Variants in PTPRN2 observed in about 807,000 individuals in gnomAD.
PTPRN2 encodes protein tyrosine phosphatase receptor type N2.
In PTPRN2, 74 loss-of-function variants were observed where a neutral mutation model predicts 118.8. The ratio of observed to expected loss-of-function variants is 0.62; its 90% CI spans 0.52 to 0.76. PTPRN2 has a LOEUF of 0.76. PTPRN2 is among the 30% of genes least tolerant of loss of function. The probability of loss-of-function intolerance (pLI) is 0.00; values close to 1 mark genes in which losing one functional copy is unlikely to be tolerated. For missense variants in PTPRN2, 1,481 were observed against 1,394.4 expected (o/e 1.06, Z -0.99); for synonymous variants, 641 against 608.0 (o/e 1.05, Z -0.80).
rs371595029 is a variant in PTPRN2, at chr7:158,364,256, C to T, written c.164-47324G>A. Among the ~76,000 whole-genome samples, 5 of 148,380 alleles carry T rather than the reference C, an allele frequency of 3.4e-5. No homozygotes were observed. The East Asian group carries it at 8.1e-4, about 24-fold the overall frequency. Reference sequence around the variant, plus strand: ...GCCATGCTTCCCCCAGCAAGGTCTGCAGAGCCCCCATCCTCACTTCACCTG... The same window carrying T: ...GCCATGCTTCCCCCAGCAAGGTCTGTAGAGCCCCCATCCTCACTTCACCTG... On this transcript the variant is annotated intron_variant, in intron 2 of 22. Coordinates refer to ENST00000389418, the MANE Select transcript of PTPRN2 (RefSeq NM_002847.5).
chr7:158,376,099 G>C (rs1810477322), intron 2 of PTPRN2, among the ~76,000 whole-genome samples: 1 of 152,158 alleles, frequency 6.6e-6, no homozygotes, highest in African/African-American at 2.4e-5. Flanking sequence ...GGGAGTCACA[G>C]ACACCCCACC....
chr7:157,631,102 A>G (rs1284257102), intron 14 of PTPRN2, among the ~76,000 whole-genome samples: 1 of 152,196 alleles, frequency 6.6e-6, no homozygotes, highest in African/African-American at 2.4e-5. Context: ...GCAAGCCCAG[A>G]GACCCTTGAA....
intron 11 of PTPRN2, among the ~76,000 whole-genome samples, chr7:157,928,051 A>G (rs1413525062): frequency 6.6e-6 from 1 of 152,190 alleles, no homozygotes; most frequent in Non-Finnish European, 1.5e-5. Flanking sequence ...TACTGGGAAC[A>G]TGACAGGTGG....
At chr7:158,474,389 T>C (rs1031292452) in intron 2 of PTPRN2, among the ~76,000 whole-genome samples, 2 of 152,248 alleles carry the variant, frequency 1.3e-5, no homozygotes, top group African/African-American at 2.4e-5. Context: ...TCTGGAAATA[T>C]GAAAATGAGT....
intron 1 of PTPRN2, among the ~76,000 whole-genome samples, chr7:158,575,318 A>G (rs1310617247): frequency 6.6e-6 from 1 of 152,236 alleles, no homozygotes; most frequent in Non-Finnish European, 1.5e-5. Context: ...CAAATGTTAT[A>G]TATTATTTAA....
In PTPRN2 at chr7:158,310,788, G is replaced by A. The variant is rs1352582779; in HGVS notation, c.277+6031C>T. On this transcript the variant is annotated intron_variant, in intron 3 of 22. Transcript: ENST00000389418. ...GCAAGTCCCACGGAGGGCGAGCCCTGAGCCGGACAGAGCGCAAGTCCCACG... is the reference window on the plus strand; with the variant it reads ...GCAAGTCCCACGGAGGGCGAGCCCTAAGCCGGACAGAGCGCAAGTCCCACG... Among the ~76,000 whole-genome samples the A allele has an allele frequency of 3.5e-4, 51 of 147,040 alleles. 1 individual carries two copies. The highest frequency in any genetic ancestry group is 1.3e-3 in the African/African-American group (50 of 38,894).
intron 5 of PTPRN2, among the ~76,000 whole-genome samples, chr7:158,171,030 T>TAC (rs1823509277): frequency 1.4e-5 from 2 of 144,590 alleles, no homozygotes; most frequent in Non-Finnish European, 3.0e-5. Flanking sequence ...TATATACACA[T>TAC]ATATATACAC....
chr7:157,673,667 C>T (rs1261508388), intron 13 of PTPRN2, among the ~76,000 whole-genome samples: 1 of 146,438 alleles, frequency 6.8e-6, no homozygotes, highest in Non-Finnish European at 1.5e-5. Context: ...CCTGGCCCCT[C>T]TCTCTCTGAG....
intron 10 of PTPRN2, among the ~76,000 whole-genome samples, chr7:158,109,519 C>G (rs2150365086): frequency 6.6e-6 from 1 of 151,648 alleles, no homozygotes; most frequent in Admixed American, 6.5e-5. Context: ...ATGACGTCAA[C>G]CCTGTGTGAA....
intron 2 of PTPRN2, among the ~76,000 whole-genome samples, chr7:158,474,325 C>G (rs116725355): frequency 1.3e-5 from 2 of 152,190 alleles, no homozygotes; most frequent in Non-Finnish European, 2.9e-5. Context: ...ACTGGCACCC[C>G]GAGTCAACTT....
chr7:158,540,075 T>C (rs961445770), intron 1 of PTPRN2, among the ~76,000 whole-genome samples: 2 of 152,174 alleles, frequency 1.3e-5, no homozygotes, highest in Non-Finnish European at 2.9e-5. Flanking sequence ...TGGTGCTGTG[T>C]GGTCTGGTCA....
At chr7:158,440,786 TGATGGG>T (rs1816954728) in intron 2 of PTPRN2, among the ~76,000 whole-genome samples, 2 of 132,252 alleles carry the variant, frequency 1.5e-5, no homozygotes, top group African/African-American at 6.2e-5. Flanking sequence ...GTGGTGATGG[TGATGGG>T]GGTGGTAGTG....
In PTPRN2 at chr7:157,786,192, C is replaced by G. The variant is rs116262404; in HGVS notation, c.1789-103255G>C. On this transcript the variant is annotated intron_variant, in intron 12 of 22. Coordinates refer to ENST00000389418, the MANE Select transcript of PTPRN2 (RefSeq NM_002847.5). Reference sequence around the variant, plus strand: ...CTGCTCACACAAACCACACGGGGAACGGCACAGGTAATATTAACCAGGACT... The same window carrying G: ...CTGCTCACACAAACCACACGGGGAAGGGCACAGGTAATATTAACCAGGACT... Among the ~76,000 whole-genome samples the G allele has an allele frequency of 2.6e-5, 4 of 152,208 alleles. No individual in the cohort carries two copies. The South Asian group carries it at 8.3e-4, about 32-fold the overall frequency.
At position 158,214,607 on chromosome 7, in the gene PTPRN2, C is replaced by A. The variant is rs544618755; in HGVS notation, c.278-9334G>T. On this transcript the variant is annotated intron_variant, in intron 3 of 22. Coordinates refer to ENST00000389418, the MANE Select transcript of PTPRN2 (RefSeq NM_002847.5). ...GATCTAGACTTCCTCTTTCATGAGG[C>A]TGTAATAAGGCCTCCCCTCAGGCCT... Among the ~76,000 whole-genome samples the A allele has an allele frequency of 2.0e-5, 3 of 152,250 alleles. No individual in the cohort carries two copies. In the South Asian group the frequency reaches 6.2e-4, roughly 32 times the overall value.
intron 22 of PTPRN2, among the ~76,000 whole-genome samples, chr7:157,548,668 C>T (rs1410263783): frequency 6.6e-6 from 1 of 152,158 alleles, no homozygotes; most frequent in Admixed American, 6.5e-5. Flanking sequence ...CGTTCTCCCC[C>T]CACCCCCAAA....
intron 1 of PTPRN2, among the ~76,000 whole-genome samples, chr7:158,572,724 G>A (rs1428511076): frequency 6.6e-6 from 1 of 152,114 alleles, no homozygotes; most frequent in Non-Finnish European, 1.5e-5. Flanking sequence ...CAGGGTCATT[G>A]ACTCCCTTAG....
At chr7:158,102,453 C>G (rs1330295989) in intron 10 of PTPRN2, among the ~76,000 whole-genome samples, 4 of 152,206 alleles carry the variant, frequency 2.6e-5, no homozygotes, top group Non-Finnish European at 5.9e-5. Context: ...GGAGGCACCT[C>G]TCATGGTACC....
At chr7:158,207,816 A>C (rs1012608009) in intron 3 of PTPRN2, among the ~76,000 whole-genome samples, 40 of 152,216 alleles carry the variant, frequency 2.6e-4, no homozygotes, top group Admixed American at 2.6e-3. Context: ...AATCCTGGAG[A>C]GACAGGGATA....
At chr7:158,287,929 T>C (rs1215830681) in intron 3 of PTPRN2, among the ~76,000 whole-genome samples, 1 of 152,178 alleles carries the variant, frequency 6.6e-6, no homozygotes, top group Non-Finnish European at 1.5e-5. Flanking sequence ...CCCCTACTGC[T>C]ACATTACAGT....
Sources: gnomAD v4.1 joint callset for allele counts (sites outside exome capture counted in the v4.1 genomes callset) on GRCh38, gnomAD v4.1.1 for gene constraint, MANE v1.5 for transcripts, NCBI Gene and HGNC (gene_info 2026-07-23, HGNC 2026-07-21) for gene names.